The following PLCB1 variants were observed in gnomAD, a reference collection of about 807,000 sequenced individuals.
The protein encoded by PLCB1 is phospholipase C beta 1, also known as 1-phosphatidylinositol 4,5-bisphosphate phosphodiesterase beta-1.
A neutral mutation model predicts 161.8 loss-of-function variants in PLCB1; 46 were observed. The observed-to-expected ratio is 0.28, with a 90% CI of 0.22 to 0.36. The LOEUF (loss-of-function observed/expected upper bound fraction) is 0.36. Among genes scored for constraint, PLCB1 ranks in the 10% least tolerant of loss-of-function variants. PLCB1 has a pLI of 1.00. For missense variants in PLCB1, 1,016 were observed against 1,472.5 expected (o/e 0.69, Z 5.07); for synonymous variants, 517 against 503.7 (o/e 1.03, Z -0.35).
At chr20:8,794,005 T>C (rs1983897711) in intron 31 of PLCB1, among the ~76,000 whole-genome samples, 1 of 152,200 alleles carries the variant, frequency 6.6e-6, no homozygotes, top group African/African-American at 2.4e-5. Context: ...TTTCTCCCAT[T>C]TGCTTTTGAA....
intron 2 of PLCB1, among the ~76,000 whole-genome samples, chr20:8,166,768 G>A (rs900396190): frequency 6.6e-6 from 1 of 151,806 alleles, no homozygotes; most frequent in South Asian, 2.1e-4. Context: ...CTTTCCTTTT[G>A]TGCTCCGTCC....
At chr20:8,539,213 A>G (rs1029107277) in intron 3 of PLCB1, among the ~76,000 whole-genome samples, 9 of 152,206 alleles carry the variant, frequency 5.9e-5, no homozygotes, top group Admixed American at 5.2e-4. Flanking sequence ...ATACAGAACA[A>G]TTTCTTCAGT....
At chr20:8,216,579 A>T (rs769378926) in intron 2 of PLCB1, among the ~76,000 whole-genome samples, 1 of 152,140 alleles carries the variant, frequency 6.6e-6, no homozygotes, top group Non-Finnish European at 1.5e-5. Flanking sequence ...GGTATGGTTG[A>T]GTAGAAATAG....
At chr20:8,386,677 TC>T (rs1987434434) in intron 3 of PLCB1, among the ~76,000 whole-genome samples, 1 of 152,212 alleles carries the variant, frequency 6.6e-6, no homozygotes, top group Non-Finnish European at 1.5e-5. Context: ...AGCTTTGAAG[TC>T]AGGCATTGAC....
chr20:8,330,233 C>A (rs1016269989), intron 2 of PLCB1, among the ~76,000 whole-genome samples: 1 of 152,064 alleles, frequency 6.6e-6, no homozygotes. Flanking sequence ...ATTAACTCAT[C>A]GTTTCATTAT....
At chr20:8,478,089 T>G (rs1982355007) in intron 3 of PLCB1, among the ~76,000 whole-genome samples, 1 of 152,212 alleles carries the variant, frequency 6.6e-6, no homozygotes, top group South Asian at 2.1e-4. Flanking sequence ...TAGGGAGAGC[T>G]GTGCTCACAG....
intron 2 of PLCB1, among the ~76,000 whole-genome samples, chr20:8,309,971 AG>A (rs1984322200): frequency 1.3e-5 from 2 of 152,090 alleles, no homozygotes; most frequent in Admixed American, 6.5e-5. Context: ...TGGTTTTCTT[AG>A]GTCAGCAATG....
At chr20:8,865,951 C>A (rs1987415120) in intron 31 of PLCB1, among the ~76,000 whole-genome samples, 1 of 152,150 alleles carries the variant, frequency 6.6e-6, no homozygotes, top group Admixed American at 6.5e-5. Flanking sequence ...TAGAATTATT[C>A]TAAATTGACT....
At chr20:8,534,092 A>G (rs79323193) in intron 3 of PLCB1, among the ~76,000 whole-genome samples, 10,346 of 152,202 alleles carry the variant, frequency 0.068, 430 homozygotes, top group South Asian at 0.092. Context: ...TGATCGTGGA[A>G]TATTCCTTCT....
chr20:8,206,492 C>T (rs1444532026), intron 2 of PLCB1, among the ~76,000 whole-genome samples: 1 of 152,082 alleles, frequency 6.6e-6, no homozygotes, highest in African/African-American at 2.4e-5. Flanking sequence ...TATGCCCTCA[C>T]TCTGACTTGG....
intron 3 of PLCB1, among the ~76,000 whole-genome samples, chr20:8,571,421 G>T (rs760640291): frequency 6.6e-6 from 1 of 152,186 alleles, no homozygotes; most frequent in African/African-American, 2.4e-5. Context: ...GACAGAGGCT[G>T]CAGTGAGCTG....
At chr20:8,325,837 T>C (rs2745773) in intron 2 of PLCB1, among the ~76,000 whole-genome samples, 2,793 of 152,218 alleles carry the variant, frequency 0.018, 92 homozygotes, top group African/African-American at 0.062. Flanking sequence ...ATTCAGGAAG[T>C]GCCAGAAAGT....
intron 3 of PLCB1, among the ~76,000 whole-genome samples, chr20:8,590,979 C>T (rs1339257816): frequency 6.6e-6 from 1 of 152,136 alleles, no homozygotes; most frequent in Non-Finnish European, 1.5e-5. Context: ...CCTCCCCCTC[C>T]CCGACCTTCC....
At chr20:8,383,024 A>T (rs34947244) in intron 3 of PLCB1, among the ~76,000 whole-genome samples, 20,850 of 152,200 alleles carry the variant, frequency 0.14, 1,854 homozygotes, top group Non-Finnish European at 0.19. Context: ...TTTGGGTTGG[A>T]GAGTTCTGTA....
intron 3 of PLCB1, among the ~76,000 whole-genome samples, chr20:8,461,297 A>T (rs1568685120): frequency 1.3e-5 from 2 of 152,082 alleles, no homozygotes; most frequent in Middle Eastern, 3.2e-3. Flanking sequence ...TTGGGGGCAG[A>T]CTCATAGAAC....
At chr20:8,508,214 A>G (rs1983721823) in intron 3 of PLCB1, among the ~76,000 whole-genome samples, 1 of 152,178 alleles carries the variant, frequency 6.6e-6, no homozygotes, top group Non-Finnish European at 1.5e-5. Context: ...CATGTATAGA[A>G]AAGGGAAAAT....
intron 3 of PLCB1, among the ~76,000 whole-genome samples, chr20:8,376,945 A>G (rs1482239409): frequency 6.6e-6 from 1 of 151,822 alleles, no homozygotes; most frequent in African/African-American, 2.4e-5. Context: ...AAAAAGAAAA[A>G]GAAAGAGAAA....
intron 11 of PLCB1, among the ~76,000 whole-genome samples, chr20:8,704,260 A>G (rs1270383491): frequency 6.6e-6 from 1 of 152,132 alleles, no homozygotes; most frequent in African/African-American, 2.4e-5. Context: ...GAGCTGAGGC[A>G]CAAGAATCGC....
chr20:8,778,843 T>C (rs1328877093), intron 27 of PLCB1, among the ~76,000 whole-genome samples: 1 of 152,228 alleles, frequency 6.6e-6, no homozygotes. Flanking sequence ...CATTTACAAT[T>C]TTTACTACCT....
Sources: gnomAD v4.1 joint callset for allele counts (sites outside exome capture counted in the v4.1 genomes callset) on GRCh38, gnomAD v4.1.1 for gene constraint, MANE v1.5 for transcripts, NCBI Gene and HGNC (gene_info 2026-07-23, HGNC 2026-07-21) for gene names.